XIRP2: variants seen among roughly 807,000 people sequenced by gnomAD.
XIRP2 encodes xin actin binding repeat containing 2, also known as xin actin-binding repeat-containing protein 2.
Under a neutral mutation model 277.0 loss-of-function variants are expected in XIRP2, and 236 were observed. The observed-to-expected ratio is 0.85, with a 90% CI of 0.77 to 0.95. XIRP2 has a LOEUF of 0.95. Among genes scored for constraint, XIRP2 ranks in the 40% least tolerant of loss-of-function variants. The pLI is 0.00. For synonymous variants in XIRP2, 1,490 were observed against 1,416.5 expected, an observed-to-expected ratio of 1.05 and a Z score of -1.17; for missense variants, 4,640 against 4,157.5, an observed-to-expected ratio of 1.12 and a Z score of -3.19.
At chr2:167,038,865 A>T (rs553395564) in intron 2 of XIRP2, among the ~76,000 whole-genome samples, 1 of 152,224 alleles carries the variant, frequency 6.6e-6, no homozygotes, top group African/African-American at 2.4e-5. Flanking sequence ...GACACAGAAT[A>T]AGTTCATGGG....
chr2:167,208,893 A>C (rs1693937493), intron 3 of XIRP2, among the ~76,000 whole-genome samples: 1 of 152,220 alleles, frequency 6.6e-6, no homozygotes, highest in African/African-American at 2.4e-5. Context: ...ATTCATTCAC[A>C]TCAAAGTAAG....
At chr2:167,148,882 T>C (rs1198555908) in intron 3 of XIRP2, among the ~76,000 whole-genome samples, 1 of 151,646 alleles carries the variant, frequency 6.6e-6, no homozygotes, top group Non-Finnish European at 1.5e-5. Context: ...TTTAGGGAGG[T>C]AAGCAAGCCC....
intron 2 of XIRP2, among the ~76,000 whole-genome samples, chr2:167,087,071 G>A (rs1364759923): frequency 6.6e-6 from 1 of 151,464 alleles, no homozygotes; most frequent in African/African-American, 2.4e-5. Flanking sequence ...CATCTTTGTG[G>A]TTTTATCTAC....
chr2:167,165,450 TG>T (rs1242088734), intron 3 of XIRP2, among the ~76,000 whole-genome samples: 1 of 152,228 alleles, frequency 6.6e-6, no homozygotes, highest in East Asian at 1.9e-4. Context: ...TGTACAATTT[TG>T]CATTTCCACC....
At chr2:167,193,510 A>G (rs1236431533) in intron 3 of XIRP2, among the ~76,000 whole-genome samples, 4 of 152,196 alleles carry the variant, frequency 2.6e-5, no homozygotes, top group African/African-American at 9.6e-5. Context: ...TCAAAGAATG[A>G]TGAATAGCCC....
At chr2:166,921,934 C>T (rs1169559989) in intron 2 of XIRP2, among the ~76,000 whole-genome samples, 2 of 152,152 alleles carry the variant, frequency 1.3e-5, no homozygotes, top group African/African-American at 4.8e-5. Flanking sequence ...CTGGCTTGCA[C>T]ACCTGTCTTA....
chr2:167,041,127 AGCATGCAG>A (rs1252518801), intron 2 of XIRP2, among the ~76,000 whole-genome samples: 6 of 152,344 alleles, frequency 3.9e-5, no homozygotes, highest in East Asian at 3.9e-4. Context: ...CCAGGGTTAG[AGCATGCAG>A]GCTAGGAGCG....
In XIRP2 at chr2:167,242,699, C is replaced by T; in HGVS notation, c.1307C>T (p.Ser436Leu). The T allele has an allele frequency of 6.2e-7, 1 of 1,614,078 alleles. No homozygotes were observed. ...TATAGTGATCACAGTGTCACTTCCT[C>T]AACTCTGGCACAAATTAATGCTACT... Reference protein sequence around the residue: ...TRYSDHSVTSSTLAQINATSS... With the variant: ...TRYSDHSVTSLTLAQINATSS... The change falls in exon 9 of 11, where the codon TCA (serine) becomes TTA (leucine). Residue 436 changes from serine (S) to leucine (L), a missense_variant. Ser to Leu is a moderately radical substitution (Grantham distance 145). Coordinates refer to ENST00000409195, the MANE Select transcript of XIRP2 (RefSeq NM_152381.6).
At chr2:166,985,847 C>T (rs114682646) in intron 2 of XIRP2, among the ~76,000 whole-genome samples, 1,991 of 152,228 alleles carry the variant, frequency 0.013, 51 homozygotes, top group African/African-American at 0.046. Flanking sequence ...GGGTCAGTCT[C>T]CCAAAGAGGG....
At chr2:167,114,237 T>G (rs1690833876) in intron 2 of XIRP2, among the ~76,000 whole-genome samples, 1 of 152,154 alleles carries the variant, frequency 6.6e-6, no homozygotes, top group African/African-American at 2.4e-5. Flanking sequence ...AGTTGCTTGT[T>G]TTCTTTCTTT....
At chr2:167,022,657 T>A (rs936946641) in intron 2 of XIRP2, among the ~76,000 whole-genome samples, 4 of 151,494 alleles carry the variant, frequency 2.6e-5, no homozygotes, top group South Asian at 4.2e-4. Flanking sequence ...TGTCCATGTG[T>A]TCTCATTGTT....
At chr2:167,083,851 G>C (rs1458321005) in intron 2 of XIRP2, among the ~76,000 whole-genome samples, 9 of 152,010 alleles carry the variant, frequency 5.9e-5, no homozygotes, top group Admixed American at 2.0e-4. Flanking sequence ...CTGAGACAAT[G>C]TGGTTTTCTA....
chr2:166,953,690 G>A (rs1686093492), intron 2 of XIRP2, among the ~76,000 whole-genome samples: 2 of 151,950 alleles, frequency 1.3e-5, no homozygotes, highest in South Asian at 4.1e-4. Context: ...AACCAATATA[G>A]GCTCTGAGGA....
intron 2 of XIRP2, among the ~76,000 whole-genome samples, chr2:166,940,533 A>G (rs148652267): frequency 0.087 from 13,206 of 152,120 alleles, 851 homozygotes; most frequent in Admixed American, 0.18. Flanking sequence ...TGATTTTTAG[A>G]ATTTTCAGCT....
Position 167,136,028 on chromosome 2 carries a change from GT to G in XIRP2, c.529del (p.Ser177HisfsTer43). 1 of 1,610,100 alleles carries G rather than the reference GT, an allele frequency of 6.2e-7. No homozygotes were observed. Among genetic ancestry groups the G allele is most frequent in the Non-Finnish European group, 8.5e-7 (1 of 1,178,418 alleles). On this transcript the variant is annotated frameshift_variant, in exon 3 of 11. Transcript: ENST00000409195. LOFTEE classifies it high-confidence loss of function. Reference sequence around the variant, plus strand: ...GCAAGGAAACATCTTTTGACAAGATGTCACCTGAAAGTGGTCACAGCCGCAT... The same window carrying G: ...GCAAGGAAACATCTTTTGACAAGATGCACCTGAAAGTGGTCACAGCCGCAT... ...KGKETSFDKMSPESGHSRIFE... is the reference protein window; with the variant it reads ...KGKETSFDKMXPESGHSRIFE...
chr2:166,953,682 C>A (rs1686093387), intron 2 of XIRP2, among the ~76,000 whole-genome samples: 1 of 151,884 alleles, frequency 6.6e-6, no homozygotes, highest in Admixed American at 6.6e-5. Context: ...AGTTATGAAA[C>A]CAATATAGGC....
chr2:166,912,436 C>T (rs1300643883), intron 2 of XIRP2, among the ~76,000 whole-genome samples: 2 of 152,164 alleles, frequency 1.3e-5, no homozygotes, highest in Admixed American at 6.5e-5. Flanking sequence ...ACATAGTTCT[C>T]GTGCCATGTT....
chr2:167,256,978 A>G (rs1010103047), intron 10 of XIRP2, among the ~76,000 whole-genome samples: 2 of 151,906 alleles, frequency 1.3e-5, no homozygotes, highest in African/African-American at 4.8e-5. Context: ...CAACCTCACT[A>G]GCCTCTTCAA....
intron 2 of XIRP2, among the ~76,000 whole-genome samples, chr2:167,031,181 A>T (rs553850003): frequency 6.6e-6 from 1 of 152,108 alleles, no homozygotes; most frequent in Non-Finnish European, 1.5e-5. Flanking sequence ...TGGGGCATTT[A>T]GCCCATTTAC....
Sources: allele counts gnomAD v4.1 joint callset (sites outside exome capture counted in the v4.1 genomes callset), GRCh38; gene constraint gnomAD v4.1.1; transcripts MANE v1.5; gene names NCBI Gene and HGNC (gene_info 2026-07-23, HGNC 2026-07-21).